ADCY2: variants seen among roughly 807,000 people sequenced by gnomAD.
ADCY2 encodes the protein adenylate cyclase type 2.
In ADCY2, 31 loss-of-function variants were observed where a neutral mutation model predicts 125.2. The ratio of observed to expected loss-of-function variants is 0.25; its 90% confidence interval spans 0.19 to 0.33. ADCY2 has a LOEUF of 0.33. ADCY2 is among the 10% of genes least tolerant of loss of function. The pLI is 1.00. For synonymous variants in ADCY2, 512 were observed against 548.4 expected, an observed-to-expected ratio of 0.93 and a Z score of 0.93; for missense variants, 904 against 1,418.2, an observed-to-expected ratio of 0.64 and a Z score of 5.82.
chr5:7,783,922 T>G (rs1042468070), intron 18 of ADCY2, among the ~76,000 whole-genome samples: 14 of 152,176 alleles, frequency 9.2e-5, no homozygotes, highest in African/African-American at 3.4e-4. Context: ...TGCTTGAAAG[T>G]TATATGAAAC....
At chr5:7,753,894 A>G (rs1742906197) in intron 15 of ADCY2, among the ~76,000 whole-genome samples, 1 of 152,274 alleles carries the variant, frequency 6.6e-6, no homozygotes, top group South Asian at 2.1e-4. Flanking sequence ...GAACAGGTTT[A>G]CTTACCTTGT....
At chr5:7,552,807 T>C (rs888786202) in intron 3 of ADCY2, among the ~76,000 whole-genome samples, 10 of 152,352 alleles carry the variant, frequency 6.6e-5, no homozygotes, top group African/African-American at 1.9e-4. Flanking sequence ...AGGTTGCCCT[T>C]GTACTAAAGC....
chr5:7,774,748 G>A (rs903060249), intron 18 of ADCY2, among the ~76,000 whole-genome samples: 1 of 152,168 alleles, frequency 6.6e-6, no homozygotes, highest in Non-Finnish European at 1.5e-5. Context: ...TGAAGCTAGG[G>A]AGACTGACTT....
At position 7,517,604 on chromosome 5, in the gene ADCY2, G is replaced by A. The variant is rs115634212; in HGVS notation, c.409-3134G>A. Among the ~76,000 whole-genome samples the A allele has an allele frequency of 2.1e-3, 326 of 152,202 alleles. 2 individuals carry two copies. Among genetic ancestry groups the A allele is most frequent in the African/African-American group, 7.2e-3 (300 of 41,524 alleles). ...AGCCAAACTCCTGAAATGCTACCAC[G>A]GAAACCTCTGATTTGATTTAATGCA... On this transcript the variant is annotated intron_variant, in intron 2 of 24. Transcript: ENST00000338316.
intron 12 of ADCY2, among the ~76,000 whole-genome samples, chr5:7,718,252 C>T (rs563212596): frequency 1.2e-4 from 18 of 151,432 alleles, no homozygotes; most frequent in South Asian, 4.2e-4. Context: ...GGGTTCACGC[C>T]GTTCTCCTGC....
intron 2 of ADCY2, among the ~76,000 whole-genome samples, chr5:7,468,969 A>G (rs920776197): frequency 6.6e-6 from 1 of 152,142 alleles, no homozygotes; most frequent in African/African-American, 2.4e-5. Flanking sequence ...TGATTAACCC[A>G]TATTGTCCTT....
intron 4 of ADCY2, among the ~76,000 whole-genome samples, chr5:7,690,379 T>G (rs1740667411): frequency 6.6e-6 from 1 of 152,216 alleles, no homozygotes; most frequent in African/African-American, 2.4e-5. Flanking sequence ...ATTTTAATAT[T>G]GTTTCTGCTT....
rs949670912 is a variant in ADCY2, at chr5:7,828,496, C to G, written c.*1625C>G. 6.6e-6 allele frequency: 1 copy of G among 152,218 alleles called. No individual in the cohort carries two copies. Among genetic ancestry groups the G allele is most frequent in the Admixed American group, 6.5e-5 (1 of 15,286 alleles). The allele number at this position is 152,218 out of a possible 1,614,324, so 9.4% of individuals were successfully genotyped here. On this transcript the variant is annotated 3_prime_UTR_variant, in exon 25 of 25. Coordinates refer to ENST00000338316, the MANE Select transcript of ADCY2 (RefSeq NM_020546.3). ...CCGTGGTACATTCACAGCACGGGCA[C>G]AGCTGCTGTGCCAGGACTGTGACTC...
chr5:7,819,663 GTC>G (rs757144303), intron 23 of ADCY2, among the ~76,000 whole-genome samples: 1 of 152,142 alleles, frequency 6.6e-6, no homozygotes, highest in Non-Finnish European at 1.5e-5. Context: ...CCGACCCTCT[GTC>G]TCTCCCAGGA....
chr5:7,696,774 C>G lies in ADCY2; in HGVS notation c.981+911C>G, dbSNP rs201227495. On this transcript the variant is annotated intron_variant, in intron 6 of 24. Coordinates refer to ENST00000338316, the MANE Select transcript of ADCY2 (RefSeq NM_020546.3). ...AGATGTTAGCATGATCATTCTTGGG[C>G]CAAACTCCCCAAGGTTTTTGCCTTC... Among the ~76,000 whole-genome samples, 3 of 151,792 alleles carry G rather than the reference C, an allele frequency of 2.0e-5. No homozygotes were observed. In the East Asian group the frequency reaches 5.8e-4, roughly 29 times the overall value.
intron 21 of ADCY2, 128 bp from the exon 22 acceptor site, chr5:7,804,457 G>A: frequency 1.3e-6 from 1 of 742,894 alleles, no homozygotes; most frequent in South Asian, 1.5e-5. Context: ...GGGCCCAAGG[G>A]TGCATACGCA....
At chr5:7,787,801 C>G (rs1221916723) in intron 19 of ADCY2, among the ~76,000 whole-genome samples, 1 of 152,134 alleles carries the variant, frequency 6.6e-6, no homozygotes, top group East Asian at 1.9e-4. Flanking sequence ...AGGAGACTTA[C>G]AAACTGCTTA....
At chr5:7,441,879 CA>C in intron 2 of ADCY2, among the ~76,000 whole-genome samples, 1 of 152,198 alleles carries the variant, frequency 6.6e-6, no homozygotes, top group East Asian at 1.9e-4. Context: ...CATTCTGCCT[CA>C]GGTCTGCAGC....
intron 2 of ADCY2, among the ~76,000 whole-genome samples, chr5:7,500,028 C>T (rs1294801510): frequency 1.3e-5 from 2 of 152,146 alleles, no homozygotes. Flanking sequence ...TCAGTTGTCT[C>T]CTATGTTTTG....
intron 2 of ADCY2, among the ~76,000 whole-genome samples, chr5:7,484,957 T>G (rs2126479256): frequency 6.6e-6 from 1 of 152,300 alleles, no homozygotes; most frequent in East Asian, 1.9e-4. Flanking sequence ...GTCCCAGTCT[T>G]CCGTAGACCC....
chr5:7,522,873 C>T (rs928190069), intron 3 of ADCY2, among the ~76,000 whole-genome samples: 1 of 151,388 alleles, frequency 6.6e-6, no homozygotes, highest in Non-Finnish European at 1.5e-5. Flanking sequence ...TTGCAGTGAG[C>T]CGAGATCGCG....
chr5:7,545,732 G>A (rs1373075873), intron 3 of ADCY2, among the ~76,000 whole-genome samples: 1 of 152,166 alleles, frequency 6.6e-6, no homozygotes, highest in Non-Finnish European at 1.5e-5. Context: ...CAGTCCTTCA[G>A]CATGCGGTCG....
intron 3 of ADCY2, among the ~76,000 whole-genome samples, chr5:7,583,976 A>C (rs1354317338): frequency 2.0e-5 from 3 of 152,118 alleles, no homozygotes; most frequent in Non-Finnish European, 4.4e-5. Context: ...CCCAATGCAA[A>C]GTGTACTGAG....
chr5:7,481,017 A>G (rs952886039), intron 2 of ADCY2, among the ~76,000 whole-genome samples: 17 of 152,022 alleles, frequency 1.1e-4, no homozygotes, highest in African/African-American at 4.1e-4. Context: ...GGATTGCTGG[A>G]TCATATGGTA....
Sources: gnomAD v4.1 joint callset for allele counts (sites outside exome capture counted in the v4.1 genomes callset) on GRCh38, gnomAD v4.1.1 for gene constraint, MANE v1.5 for transcripts, NCBI Gene and HGNC (gene_info 2026-07-23, HGNC 2026-07-21) for gene names.